Variants in DPF3 observed in about 807,000 individuals in gnomAD.
DPF3 encodes zinc finger protein DPF3.
A neutral mutation model predicts 56.8 loss-of-function variants in DPF3; 18 were observed. The observed-to-expected ratio is 0.32, with a 90% CI of 0.22 to 0.47. DPF3 has a LOEUF of 0.47. DPF3 is among the 20% of genes least tolerant of loss of function. DPF3 has a pLI of 1.00. For synonymous variants in DPF3, 188 were observed against 180.2 expected (o/e 1.04, Z -0.35); for missense variants, 403 against 488.8 (o/e 0.82, Z 1.65).
chr14:72,756,828 GAAA>G (rs1890814690), intron 2 of DPF3, among the ~76,000 whole-genome samples: 1 of 79,672 alleles, frequency 1.3e-5, no homozygotes, highest in African/African-American at 5.3e-5. Flanking sequence ...AAGACAGAAA[GAAA>G]GAAAGAAAGA....
At chr14:72,691,681 C>T (rs537300651) in intron 7 of DPF3, among the ~76,000 whole-genome samples, 10 of 151,762 alleles carry the variant, frequency 6.6e-5, no homozygotes, top group African/African-American at 2.2e-4. Flanking sequence ...GAGCCAAGAT[C>T]ACGCCACTGT....
chr14:72,669,342 G>A (rs1320665577), intron 8 of DPF3, among the ~76,000 whole-genome samples: 1 of 152,192 alleles, frequency 6.6e-6, no homozygotes, highest in Non-Finnish European at 1.5e-5. Flanking sequence ...CATGTCAAAT[G>A]GTTCTGCCTG....
At chr14:72,775,806 A>G (rs1159798709) in intron 1 of DPF3, among the ~76,000 whole-genome samples, 8 of 152,196 alleles carry the variant, frequency 5.3e-5, no homozygotes, top group Non-Finnish European at 1.0e-4. Context: ...TAAGAGGAGA[A>G]AAGAGATTTC....
rs1383398192 is a variant in DPF3 at position 72,730,656 on chromosome 14, TAATA to T, written c.429+1147_429+1150del. ...AGTTTTAATAAATTAATATATAAAT[TAATA>T]AATTTATTGAATATTAAATATGCAC... On this transcript the variant is annotated intron_variant, in intron 4 of 10. Coordinates refer to ENST00000556509, the MANE Select transcript of DPF3 (RefSeq NM_001280542.3). 2.0e-5 allele frequency among the ~76,000 whole-genome samples: 3 copies of T among 151,568 alleles called. No homozygotes were observed. In the East Asian group the frequency reaches 5.8e-4, roughly 29 times the overall value.
chr14:72,791,179 C>T (rs1203905493), intron 1 of DPF3, among the ~76,000 whole-genome samples: 1 of 152,178 alleles, frequency 6.6e-6, no homozygotes, highest in African/African-American at 2.4e-5. Flanking sequence ...CCATGTGAGT[C>T]CCTGCCCGCA....
chr14:72,627,756 A>T (rs1884919655), intron 9 of DPF3, among the ~76,000 whole-genome samples: 1 of 152,148 alleles, frequency 6.6e-6, no homozygotes, highest in Admixed American at 6.5e-5. Flanking sequence ...TGACATCTTT[A>T]TAATGTCAAG....
rs1482894037 is a variant in DPF3 at position 72,611,013 on chromosome 14, G to T, written c.*8284C>A. 1.3e-5 allele frequency among the ~76,000 whole-genome samples: 2 copies of T among 152,298 alleles called. No individual in the cohort carries two copies. Among genetic ancestry groups the T allele is most frequent in the Non-Finnish European group, 1.5e-5 (1 of 68,028 alleles). Reference sequence around the variant, plus strand: ...CACGCACTTTAAAACCAGACTCACAGCCAAGCCTTGTGTCCCTGACTACCT... The same window carrying T: ...CACGCACTTTAAAACCAGACTCACATCCAAGCCTTGTGTCCCTGACTACCT... On this transcript the variant is annotated 3_prime_UTR_variant, in exon 11 of 11. Transcript: ENST00000556509.
intron 3 of DPF3, among the ~76,000 whole-genome samples, chr14:72,752,883 T>G (rs1049025189): frequency 3.9e-5 from 6 of 152,178 alleles, no homozygotes; most frequent in African/African-American, 1.2e-4. Flanking sequence ...TATCTTCTCC[T>G]TAGAAACATA....
At chr14:72,700,635 C>T (rs778104442) in intron 6 of DPF3, among the ~76,000 whole-genome samples, 8 of 152,182 alleles carry the variant, frequency 5.3e-5, no homozygotes, top group Non-Finnish European at 8.8e-5. Context: ...GCTTCTAGAT[C>T]GGCTCTGCCC....
At chr14:72,771,369 C>G (rs770983526) in intron 2 of DPF3, among the ~76,000 whole-genome samples, 14 of 152,150 alleles carry the variant, frequency 9.2e-5, no homozygotes, top group Non-Finnish European at 1.5e-4. Flanking sequence ...GTAAGCCTCA[C>G]ACCCAGATCT....
At chr14:72,631,450 G>A (rs1017419570) in intron 8 of DPF3, among the ~76,000 whole-genome samples, 9 of 152,194 alleles carry the variant, frequency 5.9e-5, no homozygotes, top group African/African-American at 1.7e-4. Flanking sequence ...AGAGAACACT[G>A]GGATGGGTAC....
intron 1 of DPF3, chr14:72,773,913 G>T (rs1215420617): frequency 8.8e-6 from 4 of 455,402 alleles, no homozygotes; most frequent in Non-Finnish European, 1.8e-5. Flanking sequence ...TCTGTCAGTG[G>T]ATATCTGGGT....
At chr14:72,830,416 AC>A (rs1242420341) in intron 1 of DPF3, among the ~76,000 whole-genome samples, 1 of 152,222 alleles carries the variant, frequency 6.6e-6, no homozygotes, top group Non-Finnish European at 1.5e-5. Context: ...CAGTCCATAA[AC>A]AGCTTTTGGG....
chr14:72,641,589 G>A (rs535768229), intron 8 of DPF3, among the ~76,000 whole-genome samples: 33 of 152,354 alleles, frequency 2.2e-4, no homozygotes, highest in Non-Finnish European at 4.0e-4. Flanking sequence ...TCAAGTGGCA[G>A]TGATGAAAAT....
Position 72,618,590 on chromosome 14 carries a change from C to T in DPF3, c.*707G>A, listed in dbSNP as rs1884229405. The stretch of plus-strand genomic sequence containing the variant: ...GATAACAAGTACTGACTGGCTATGG[C>T]GGGGCCTTGGCACCATTTCCACAAT... On this transcript the variant is annotated 3_prime_UTR_variant, in exon 11 of 11. Coordinates refer to ENST00000556509, the MANE Select transcript of DPF3 (RefSeq NM_001280542.3). Among the ~76,000 whole-genome samples, 1 of 152,278 alleles carries T rather than the reference C, an allele frequency of 6.6e-6. No homozygotes were observed. The highest frequency in any genetic ancestry group is 6.5e-5 in the Admixed American group (1 of 15,304).
Position 72,739,241 on chromosome 14 carries a change from CA to C in DPF3, c.302-7308del, listed in dbSNP as rs35425882. Among the ~76,000 whole-genome samples the C allele has an allele frequency of 9.7e-3, 1,207 of 124,598 alleles. 11 individuals are homozygous for C. Among genetic ancestry groups the C allele is most frequent in the African/African-American group, 0.028 (912 of 32,348 alleles). The allele number at this position is 124,598 out of a possible 152,430, so 81.7% of individuals were successfully genotyped here. On this transcript the variant is annotated intron_variant, in intron 3 of 10. Coordinates refer to ENST00000556509, the MANE Select transcript of DPF3 (RefSeq NM_001280542.3). ...TAGGTGACAGAGTGAGACTCTGTCT[CA>C]AAAAAAAAAAAAATGCATAGTGCAA...
chr14:72,610,409 G>A lies in DPF3; in HGVS notation c.*8888C>T, dbSNP rs750773282. 6.6e-6 allele frequency among the ~76,000 whole-genome samples: 1 copy of A among 152,174 alleles called. No individual in the cohort carries two copies. Among genetic ancestry groups the A allele is most frequent in the Non-Finnish European group, 1.5e-5 (1 of 68,024 alleles). ...AGGAATCCCAGCGTTCACAAATGGA[G>A]GCGCCCTCACCAAAGCCACTGGACC... On this transcript the variant is annotated 3_prime_UTR_variant, in exon 11 of 11. Transcript: ENST00000556509.
chr14:72,758,458 G>T (rs975838358), intron 2 of DPF3, among the ~76,000 whole-genome samples: 1 of 152,174 alleles, frequency 6.6e-6, no homozygotes, highest in Non-Finnish European at 1.5e-5. Flanking sequence ...AGACCACAGT[G>T]ACTAGAACCC....
intron 3 of DPF3, 102 bp from the exon 4 acceptor site, chr14:72,732,036 C>T (rs1599392437): frequency 6.9e-7 from 1 of 1,442,878 alleles, no homozygotes. Flanking sequence ...CTGAGGAGGA[C>T]TCGGGGCCTG....
Sources: gnomAD v4.1 joint callset for allele counts (sites outside exome capture counted in the v4.1 genomes callset) on GRCh38, gnomAD v4.1.1 for gene constraint, MANE v1.5 for transcripts, NCBI Gene and HGNC (gene_info 2026-07-23, HGNC 2026-07-21) for gene names.